Variants in HMOX1 observed in about 807,000 individuals in gnomAD.
HMOX1 encodes heme oxygenase 1.
HMOX1 carries 22 observed loss-of-function variants against 27.8 expected under a neutral mutation model. The ratio of observed to expected loss-of-function variants is 0.79; its 90% confidence interval spans 0.57 to 1.13. The LOEUF (loss-of-function observed/expected upper bound fraction) is 1.13, where lower values mean the gene tolerates loss of function less well. Ranked by LOEUF, HMOX1 falls within the 50% of genes most tolerant of loss-of-function variation. The probability of loss-of-function intolerance (pLI) is 0.00; values close to 1 mark genes in which losing one functional copy is unlikely to be tolerated. For missense variants in HMOX1, 379 were observed against 377.7 expected, an observed-to-expected ratio of 1.00 and a Z score of -0.03; for synonymous variants, 153 against 151.6, an observed-to-expected ratio of 1.01 and a Z score of -0.07.
rs772407562 is a variant in HMOX1, at chr22:35,386,835, C to A, written c.295C>A (p.Pro99Thr). 5.6e-6 allele frequency: 9 copies of A among 1,614,058 alleles called. No homozygotes were observed. In the African/African-American group the frequency reaches 1.1e-4, roughly 19 times the overall value. The stretch of plus-strand genomic sequence containing the variant: ...GCAGGACCTGGCCTTCTGGTACGGG[C>A]CCCGCTGGCAGGAGGTCATCCCCTA... ...LEQDLAFWYG[P>T]RWQEVIPYTP... The change falls in exon 3 of 5, where the codon CCC becomes ACC. Residue 99 changes from proline (P) to threonine (T), a missense_variant. Coordinates refer to ENST00000216117, the MANE Select transcript of HMOX1 (RefSeq NM_002133.3).
chr22:35,389,237 CT>C (rs879194454), intron 3 of HMOX1, among the ~76,000 whole-genome samples: 3 of 116,248 alleles, frequency 2.6e-5, no homozygotes, highest in African/African-American at 8.6e-5. Flanking sequence ...TTCTTTCTTT[CT>C]TTTTCTTTCT....
chr22:35,390,274 A>G (rs1931681042), intron 4 of HMOX1: 1 of 403,126 alleles, frequency 2.5e-6, no homozygotes, highest in Non-Finnish European at 4.7e-6. Flanking sequence ...CCCAGGCTGG[A>G]GTGCAGTGGC....
At position 35,388,114 on chromosome 22, in the gene HMOX1, T is replaced by TA. The variant is rs546471663; in HGVS notation, c.636+947dup. 5.5e-5 allele frequency among the ~76,000 whole-genome samples: 8 copies of TA among 145,868 alleles called. 1 individual carries two copies. In the South Asian group the frequency reaches 1.1e-3, roughly 20 times the overall value. On this transcript the variant is annotated intron_variant, in intron 3 of 4. Transcript: ENST00000216117. ...CCCTGTCTCTATCAAAAATAAAAAA[T>TA]AAAAAAAAATTTAAAGGAAAAAAAT... is the stretch of plus-strand genomic sequence containing the variant.
chr22:35,389,931 G>C lies in HMOX1; in HGVS notation c.704G>C (p.Gly235Ala), dbSNP rs1375477038. The change falls in exon 4 of 5, where the codon GGG (glycine) becomes GCG (alanine). Residue 235 changes from glycine to alanine, a missense_variant. Gly to Ala is a moderately conservative substitution (Grantham distance 60). Coordinates refer to ENST00000216117, the MANE Select transcript of HMOX1 (RefSeq NM_002133.3). ...GACCAGAGCCCCTCACGGGCACCAG[G>C]GCTTCGCCAGCGGGCCAGCAACAAA... ...TKDQSPSRAP[G>A]LRQRASNKVQ... The C allele has an allele frequency of 6.2e-7, 1 of 1,611,798 alleles. No homozygotes were observed. Among genetic ancestry groups the C allele is most frequent in the Non-Finnish European group, 8.5e-7 (1 of 1,179,762 alleles).
chr22:35,389,311 C>CT (rs761113403), intron 3 of HMOX1, among the ~76,000 whole-genome samples: 2 of 121,374 alleles, frequency 1.6e-5, no homozygotes, highest in South Asian at 5.1e-4. Context: ...TTCTTTCTTT[C>CT]TTTCTTTCTT....
chr22:35,387,850 T>G (rs1314459314), intron 3 of HMOX1, among the ~76,000 whole-genome samples: 3 of 152,238 alleles, frequency 2.0e-5, no homozygotes, highest in African/African-American at 7.2e-5. Flanking sequence ...AGCCGTGGAT[T>G]GCAGAAGATT....
At chr22:35,391,919 G>C (rs561338503) in intron 4 of HMOX1, among the ~76,000 whole-genome samples, 1 of 151,898 alleles carries the variant, frequency 6.6e-6, no homozygotes, top group South Asian at 2.1e-4. Context: ...GTATGTTCTT[G>C]TATGTTAAGA....
intron 3 of HMOX1, among the ~76,000 whole-genome samples, chr22:35,388,762 A>G (rs1931572314): frequency 6.6e-6 from 1 of 151,384 alleles, no homozygotes; most frequent in Non-Finnish European, 1.5e-5. Context: ...GCGCCACTGC[A>G]CTCCAGCCTG....
intron 2 of HMOX1, among the ~76,000 whole-genome samples, chr22:35,385,906 C>T (rs1477643938): frequency 2.6e-5 from 4 of 152,066 alleles, no homozygotes; most frequent in African/African-American, 9.7e-5. Context: ...GCTGGGATTA[C>T]AGGCGTGAGC....
chr22:35,387,302 C>T, intron 3 of HMOX1, 126 bp downstream of exon 3: 2 of 1,101,750 alleles, frequency 1.8e-6, no homozygotes. Flanking sequence ...CCAGCACTGC[C>T]ACTTACTAGC....
chr22:35,389,855 G>C lies in HMOX1; in HGVS notation c.637-9G>C, dbSNP rs377633762. 2 of 1,593,896 alleles carry C rather than the reference G, an allele frequency of 1.3e-6. No homozygotes were observed. The highest frequency in any genetic ancestry group is 1.7e-6 in the Non-Finnish European group (2 of 1,168,970). On this transcript the variant is annotated splice_polypyrimidine_tract_variant and intron_variant, in intron 3 of 4. Coordinates refer to ENST00000216117, the MANE Select transcript of HMOX1 (RefSeq NM_002133.3). ...ACTGAGATAGGCATGTGTGTCTTTT[G>C]TCTTTTAGCTCTTTGAGGAGTTGCA...
At chr22:35,381,824 G>A (rs895037096) in intron 1 of HMOX1, among the ~76,000 whole-genome samples, 2 of 151,864 alleles carry the variant, frequency 1.3e-5, no homozygotes, top group African/African-American at 4.8e-5. Context: ...AGCCTCCAGA[G>A]TAGCTGGGAC....
intron 3 of HMOX1, 57 bp downstream of exon 3, chr22:35,387,233 A>T (rs1601741966): frequency 6.2e-7 from 1 of 1,605,288 alleles, no homozygotes; most frequent in South Asian, 1.1e-5. Context: ...CCTCCAAGGG[A>T]CCCTTCTCAT....
Position 35,386,931 on chromosome 22 carries a change from G to T in HMOX1, c.391G>T (p.Ala131Ser). The T allele has an allele frequency of 6.2e-7, 1 of 1,614,062 alleles. No homozygotes were observed. Among genetic ancestry groups the T allele is most frequent in the Non-Finnish European group, 8.5e-7 (1 of 1,180,026 alleles). Residue 131 changes from alanine to serine, a missense_variant, in exon 3 of 5, where the codon GCC (alanine) becomes TCC (serine). Coordinates refer to ENST00000216117, the MANE Select transcript of HMOX1 (RefSeq NM_002133.3). ...GCGCACAGAGCCCGAGCTGCTGGTG[G>T]CCCACGCCTACACCCGCTACCTGGG... ...VGRTEPELLV[A>S]HAYTRYLGDL... is the part of the protein sequence containing the mutation.
chr22:35,389,395 C>CCTTCCTTCCTTCCTTTCTTT (rs1555901604), intron 3 of HMOX1, among the ~76,000 whole-genome samples: 9 of 51,800 alleles, frequency 1.7e-4, no homozygotes, highest in Non-Finnish European at 2.8e-4. Context: ...TTCCTTCCTT[C>CCTTCCTTCCTTCCTTTCTTT]CTTTCTTTCT....
rs748169225 is a variant in HMOX1, at chr22:35,387,093, C to G, written c.553C>G (p.Arg185Gly). 6.2e-7 allele frequency: 1 copy of G among 1,613,652 alleles called. No individual in the cohort carries two copies. The highest frequency in any genetic ancestry group is 8.5e-7 in the Non-Finnish European group (1 of 1,180,040). ...ATKFKQLYRS[R>G]MNSLEMTPAV... The stretch of plus-strand genomic sequence containing the variant: ...CAAGTTCAAGCAGCTCTACCGCTCC[C>G]GCATGAACTCCCTGGAGATGACTCC... Residue 185 changes from arginine to glycine, a missense_variant, in exon 3 of 5, where the codon CGC (arginine) becomes GGC (glycine). By Grantham distance (125) the Arg-to-Gly change is moderately radical (BLOSUM62 -2). Transcript: ENST00000216117.
intron 1 of HMOX1, 52 bp downstream of exon 1, chr22:35,381,248 C>A: frequency 1.3e-6 from 2 of 1,538,152 alleles, no homozygotes; most frequent in South Asian, 1.2e-5. Flanking sequence ...CCCAACCCTG[C>A]TTGCGTCCTA....
chr22:35,385,987 G>A (rs1004578608), intron 2 of HMOX1, among the ~76,000 whole-genome samples: 13 of 150,490 alleles, frequency 8.6e-5, no homozygotes, highest in African/African-American at 2.9e-4. Flanking sequence ...ACAGAATTTC[G>A]CTGTGTTGCC....
At chr22:35,390,794 T>C (rs1364089123) in intron 4 of HMOX1, among the ~76,000 whole-genome samples, 1 of 152,174 alleles carries the variant, frequency 6.6e-6, no homozygotes, top group Non-Finnish European at 1.5e-5. Flanking sequence ...TGGGGACCTG[T>C]ATCCAGCTAT....
Sources: allele counts gnomAD v4.1 joint callset (sites outside exome capture counted in the v4.1 genomes callset), GRCh38; gene constraint gnomAD v4.1.1; transcripts MANE v1.5; gene names NCBI Gene and HGNC (gene_info 2026-07-23, HGNC 2026-07-21).